Variants in CGNL1 observed in about 807,000 individuals in gnomAD.
The protein encoded by CGNL1 is cingulin-like protein 1.
CGNL1 carries 132 observed loss-of-function variants against 141.2 expected under a neutral mutation model. The observed-to-expected ratio is 0.93, with a 90% CI of 0.81 to 1.08. The LOEUF (loss-of-function observed/expected upper bound fraction) is 1.08. Ranked by LOEUF, CGNL1 falls within the 50% of genes least tolerant of loss-of-function variation. CGNL1 has a pLI of 0.00. For missense variants in CGNL1, 1,870 were observed against 1,588.6 expected, an observed-to-expected ratio of 1.18 and a Z score of -3.01; for synonymous variants, 690 against 622.1, an observed-to-expected ratio of 1.11 and a Z score of -1.63.
At chr15:57,381,072 C>T (rs1351170117) in intron 1 of CGNL1, among the ~76,000 whole-genome samples, 1 of 152,180 alleles carries the variant, frequency 6.6e-6, no homozygotes, top group Non-Finnish European at 1.5e-5. Flanking sequence ...AAATAGCTGA[C>T]CCATAGGGCT....
At chr15:57,494,561 G>A (rs905536317) in intron 8 of CGNL1, among the ~76,000 whole-genome samples, 2 of 152,230 alleles carry the variant, frequency 1.3e-5, no homozygotes, top group South Asian at 2.1e-4. Context: ...TGTAAAAGCA[G>A]GAGGAGGGAT....
Position 57,423,673 on chromosome 15 carries a change from C to G in CGNL1, c.-15-14312C>G, listed in dbSNP as rs148354586. 4.0e-3 allele frequency among the ~76,000 whole-genome samples: 605 copies of G among 152,336 alleles called. 1 individual carries two copies. The highest frequency in any genetic ancestry group is 0.024 in the Middle Eastern group (7 of 294). On this transcript the variant is annotated intron_variant, in intron 1 of 18. Coordinates refer to ENST00000281282, the MANE Select transcript of CGNL1 (RefSeq NM_032866.5). ...CCCTCCTTCCTTCTTGCATCCCCAG[C>G]TTCTCTGGGCTTCTGGGATGCCAGG...
At chr15:57,423,878 A>G (rs1852227508) in intron 1 of CGNL1, among the ~76,000 whole-genome samples, 1 of 152,162 alleles carries the variant, frequency 6.6e-6, no homozygotes, top group South Asian at 2.1e-4. Flanking sequence ...TGCATCTCTC[A>G]TGTGCTGCCA....
At chr15:57,444,444 T>C (rs192729542) in intron 4 of CGNL1, among the ~76,000 whole-genome samples, 266 of 152,310 alleles carry the variant, frequency 1.7e-3, no homozygotes, top group African/African-American at 6.2e-3. Context: ...AGAATATACC[T>C]AGAAGTAAAA....
chr15:57,389,486 T>C (rs2152228144), intron 1 of CGNL1, among the ~76,000 whole-genome samples: 2 of 152,338 alleles, frequency 1.3e-5, no homozygotes, highest in Middle Eastern at 6.8e-3. Flanking sequence ...AGACACTTTT[T>C]CAACACAGAC....
intron 10 of CGNL1, 25 bp from the exon 11 acceptor site, chr15:57,523,464 A>G (rs2031401374): frequency 6.2e-7 from 1 of 1,613,446 alleles, no homozygotes; most frequent in South Asian, 1.1e-5. Context: ...AGGTGACAGC[A>G]CTGTCCTTTC....
chr15:57,509,058 G>T (rs1250494476), intron 8 of CGNL1, among the ~76,000 whole-genome samples: 2 of 152,150 alleles, frequency 1.3e-5, no homozygotes, highest in African/African-American at 4.8e-5. Flanking sequence ...TGGGGGACTT[G>T]CTTTCCTAAC....
intron 8 of CGNL1, among the ~76,000 whole-genome samples, chr15:57,480,413 G>T (rs1252799217): frequency 1.3e-5 from 2 of 151,956 alleles, no homozygotes; most frequent in African/African-American, 4.8e-5. Context: ...CCAGCTACTT[G>T]GGATGGTGAG....
chr15:57,505,320 C>T (rs370549045), intron 8 of CGNL1, among the ~76,000 whole-genome samples: 79 of 152,152 alleles, frequency 5.2e-4, no homozygotes, highest in South Asian at 2.1e-4. Flanking sequence ...GGATCCGTAA[C>T]GCCACCCTGT....
intron 1 of CGNL1, among the ~76,000 whole-genome samples, chr15:57,418,710 G>C (rs1280571875): frequency 6.6e-6 from 1 of 152,180 alleles, no homozygotes; most frequent in Non-Finnish European, 1.5e-5. Context: ...ATGTGATGCT[G>C]TGTGTTCACG....
intron 8 of CGNL1, among the ~76,000 whole-genome samples, chr15:57,500,330 G>A (rs1034125057): frequency 5.9e-5 from 9 of 152,222 alleles, no homozygotes; most frequent in Non-Finnish European, 5.9e-5. Context: ...GCCATTGTCA[G>A]GGAGTGGGAG....
intron 8 of CGNL1, among the ~76,000 whole-genome samples, chr15:57,494,573 G>T (rs1480900963): frequency 2.0e-5 from 3 of 152,206 alleles, no homozygotes; most frequent in African/African-American, 7.2e-5. Flanking sequence ...AGGAGGGATG[G>T]ATTTTGTTTT....
intron 2 of CGNL1, among the ~76,000 whole-genome samples, chr15:57,440,075 G>A (rs954268189): frequency 2.1e-5 from 3 of 144,488 alleles, no homozygotes; most frequent in African/African-American, 7.6e-5. Flanking sequence ...TGTTTTGATA[G>A]TAACAATAAA....
At chr15:57,511,301 A>G (rs1460063558) in intron 8 of CGNL1, among the ~76,000 whole-genome samples, 1 of 152,146 alleles carries the variant, frequency 6.6e-6, no homozygotes, top group Non-Finnish European at 1.5e-5. Context: ...AATCTGTCCC[A>G]TGCTTCTTCC....
intron 8 of CGNL1, among the ~76,000 whole-genome samples, chr15:57,488,072 T>A (rs1195060286): frequency 6.6e-6 from 1 of 152,236 alleles, no homozygotes; most frequent in East Asian, 1.9e-4. Context: ...TGTTATTATC[T>A]GCCTTTTTTA....
chr15:57,514,494 A>G (rs1311606969), intron 8 of CGNL1, among the ~76,000 whole-genome samples: 1 of 151,886 alleles, frequency 6.6e-6, no homozygotes, highest in Non-Finnish European at 1.5e-5. Context: ...AATCATTTAT[A>G]TATTCTGGAT....
At chr15:57,497,624 G>A (rs1051317388) in intron 8 of CGNL1, among the ~76,000 whole-genome samples, 21 of 152,216 alleles carry the variant, frequency 1.4e-4, no homozygotes, top group African/African-American at 5.1e-4. Flanking sequence ...AGAATGAGGT[G>A]AAAGAGAGGG....
intron 10 of CGNL1, among the ~76,000 whole-genome samples, chr15:57,523,159 G>A (rs1387494696): frequency 2.6e-5 from 4 of 152,164 alleles, no homozygotes; most frequent in Non-Finnish European, 2.9e-5. Flanking sequence ...ACTTGACCTC[G>A]AATTTCAAGC....
rs779306795 is a variant in CGNL1, at chr15:57,545,632, C to T, written c.3541C>T (p.Arg1181Trp). 19 of 1,613,566 alleles carry T rather than the reference C, an allele frequency of 1.2e-5. No individual in the cohort carries two copies. Among genetic ancestry groups the T allele is most frequent in the Middle Eastern group, 1.6e-4 (1 of 6,082 alleles). Residue 1181 changes from arginine to tryptophan, a missense_variant, in exon 17 of 19, where the codon CGG (arginine) becomes TGG (tryptophan). Arg to Trp is a moderately radical substitution (Grantham distance 101, BLOSUM62 -3). Coordinates refer to ENST00000281282, the MANE Select transcript of CGNL1 (RefSeq NM_032866.5). ...NLQLSNRRLE[R>W]KVKELVMQVD... Reference sequence around the variant, plus strand: ...TCAGCTCAGCAACCGGCGGCTGGAGCGGAAAGTGAAGGAGCTGGTGATGCA... The same window carrying T: ...TCAGCTCAGCAACCGGCGGCTGGAGTGGAAAGTGAAGGAGCTGGTGATGCA...
Sources: gnomAD v4.1 joint callset for allele counts (sites outside exome capture counted in the v4.1 genomes callset) on GRCh38, gnomAD v4.1.1 for gene constraint, MANE v1.5 for transcripts, NCBI Gene and HGNC (gene_info 2026-07-23, HGNC 2026-07-21) for gene names.